Variants in LRRC8C observed in about 807,000 individuals in gnomAD.
LRRC8C encodes volume-regulated anion channel subunit LRRC8C.
In LRRC8C, 20 loss-of-function variants were observed where a neutral mutation model predicts 55.3. The observed-to-expected ratio is 0.36, with a 90% confidence interval of 0.25 to 0.53. The LOEUF (loss-of-function observed/expected upper bound fraction) is 0.53. LRRC8C is among the 20% of genes least tolerant of loss of function. The pLI is 0.92. For synonymous variants in LRRC8C, 376 were observed against 360.7 expected, an observed-to-expected ratio of 1.04 and a Z score of -0.48; for missense variants, 659 against 951.4, an observed-to-expected ratio of 0.69 and a Z score of 4.04.
At chr1:89,681,733 G>T (rs563595659) in intron 1 of LRRC8C, among the ~76,000 whole-genome samples, 1 of 152,152 alleles carries the variant, frequency 6.6e-6, no homozygotes. Flanking sequence ...CCTCCCACCA[G>T]GTCCCTCCGA....
At position 89,718,070 on chromosome 1, in the gene LRRC8C, T is replaced by C. The variant is rs185067340; in HGVS notation, c.*3088T>C. On this transcript the variant is annotated 3_prime_UTR_variant, in exon 3 of 3. Transcript: ENST00000370454. ...CCAAAGAAGACCACACCTCAGAAAT[T>C]ATTGCATTTTCTCATTATGTGTTGG... 2 of 152,302 alleles carry C rather than the reference T, an allele frequency of 1.3e-5. No individual in the cohort carries two copies. The highest frequency in any genetic ancestry group is 1.9e-4 in the East Asian group (1 of 5,188). 9.4% of individuals were successfully genotyped at this position (152,302 alleles called of 1,614,324 possible).
intron 1 of LRRC8C, among the ~76,000 whole-genome samples, chr1:89,653,184 T>C (rs554113283): frequency 3.9e-5 from 6 of 152,222 alleles, no homozygotes; most frequent in Non-Finnish European, 8.8e-5. Flanking sequence ...TCAGGGCATT[T>C]GTACTCAAAT....
chr1:89,708,570 T>TGAA (rs958057199), intron 2 of LRRC8C: 10 of 151,436 alleles, frequency 6.6e-5, no homozygotes, highest in East Asian at 1.9e-4. Flanking sequence ...TTTAACCTTT[T>TGAA]GAAGAAGAAG....
chr1:89,682,854 G>C (rs72961878), intron 1 of LRRC8C, among the ~76,000 whole-genome samples: 6,861 of 152,272 alleles, frequency 0.045, 497 homozygotes, highest in African/African-American at 0.16. Context: ...TGTCTGAAGA[G>C]AAAGCTCTTG....
At chr1:89,676,245 A>G (rs955776707) in intron 1 of LRRC8C, 3 of 152,216 alleles carry the variant, frequency 2.0e-5, no homozygotes, top group Non-Finnish European at 4.4e-5. Context: ...ATGTTCTGAC[A>G]AGGTAGTCAC....
At chr1:89,676,793 A>G (rs1427297755) in intron 1 of LRRC8C, among the ~76,000 whole-genome samples, 1 of 152,238 alleles carries the variant, frequency 6.6e-6, no homozygotes, top group Non-Finnish European at 1.5e-5. Context: ...AGGAGTTTCA[A>G]TTCATATTTT....
intron 2 of LRRC8C, among the ~76,000 whole-genome samples, chr1:89,703,691 T>C (rs929344130): frequency 1.3e-5 from 2 of 152,032 alleles, no homozygotes; most frequent in Non-Finnish European, 2.9e-5. Context: ...TAAGAAATTA[T>C]AGATAACATC....
chr1:89,680,778 C>A (rs555586953), intron 1 of LRRC8C, among the ~76,000 whole-genome samples: 21 of 151,376 alleles, frequency 1.4e-4, no homozygotes, highest in Non-Finnish European at 2.7e-4. Flanking sequence ...CCAGGCTGGT[C>A]TTAAACCTCT....
At position 89,639,351 on chromosome 1, in the gene LRRC8C, C is replaced by A. The variant is rs552430408; in HGVS notation, c.-5+6029C>A. On this transcript the variant is annotated intron_variant, in intron 1 of 2. Transcript: ENST00000370454. ...AGATTTCAGTTCACAACAAGTAGAT[C>A]TGGGAGGAGGAGAGGGCCTCTGAAG... is the stretch of plus-strand genomic sequence containing the variant. Among the ~76,000 whole-genome samples, 13 of 151,764 alleles carry A rather than the reference C, an allele frequency of 8.6e-5. 1 individual carries two copies. In the East Asian group the frequency reaches 2.5e-3, roughly 29 times the overall value.
At chr1:89,689,550 T>C (rs1657972603) in intron 2 of LRRC8C, among the ~76,000 whole-genome samples, 1 of 152,072 alleles carries the variant, frequency 6.6e-6, no homozygotes, top group African/African-American at 2.4e-5. Flanking sequence ...AGAAATGAAT[T>C]AAATGGTTTG....
chr1:89,713,716 T>C lies in LRRC8C; in HGVS notation c.1146T>C (p.Pro382=). The change falls in exon 3 of 3, where the codon CCT becomes CCC. Residue 382 remains proline (P), a synonymous_variant. Coordinates refer to ENST00000370454, the MANE Select transcript of LRRC8C (RefSeq NM_032270.5). The surrounding 1 kb of genome is among the most constrained non-coding windows in gnomAD (Gnocchi z 5.2). ...FMLHMIDQYD[P]LYSKRFAVFL... Reference sequence around the variant, plus strand: ...TTCATATGATAGATCAGTATGACCCTCTCTATTCCAAGAGATTTGCAGTGT... The same window carrying C: ...TTCATATGATAGATCAGTATGACCCCCTCTATTCCAAGAGATTTGCAGTGT... The C allele has an allele frequency of 6.2e-7, 1 of 1,614,196 alleles. No homozygotes were observed. The highest frequency in any genetic ancestry group is 8.5e-7 in the Non-Finnish European group (1 of 1,180,040).
intron 2 of LRRC8C, among the ~76,000 whole-genome samples, chr1:89,694,896 CT>C (rs1221160553): frequency 6.8e-6 from 1 of 147,792 alleles, no homozygotes; most frequent in Admixed American, 6.8e-5. Flanking sequence ...TATAATAGCA[CT>C]TCCTGTTTCT....
intron 1 of LRRC8C, among the ~76,000 whole-genome samples, chr1:89,654,835 G>A: frequency 6.8e-6 from 1 of 147,808 alleles, no homozygotes; most frequent in Non-Finnish European, 1.5e-5. Flanking sequence ...GACAGTATGG[G>A]TCTTTATTAA....
the LRRC8C span, among the ~76,000 whole-genome samples, chr1:89,623,275 A>G: frequency 6.6e-6 from 1 of 152,230 alleles, no homozygotes. Context: ...AAAATAGAAT[A>G]TAAAATATTG....
At position 89,712,784 on chromosome 1, in the gene LRRC8C, T is replaced by C; in HGVS notation, c.214T>C (p.Ser72Pro). 6.2e-7 allele frequency: 1 copy of C among 1,614,186 alleles called. No homozygotes were observed. Among genetic ancestry groups the C allele is most frequent in the Non-Finnish European group, 8.5e-7 (1 of 1,180,046 alleles). Residue 72 changes from serine (S) to proline (P), a missense_variant, in exon 3 of 3, where the codon TCT (serine) becomes CCT (proline). Ser to Pro is a moderately conservative substitution (Grantham distance 74, BLOSUM62 -1). Around this residue, in one of 5 missense-constraint regions of LRRC8C, gnomAD observed 82 missense variants for 71.4 expected, o/e 1.15. Transcript: ENST00000370454. ...GAACCACTCTTCCCTTTCGAATGTCTCTCAAGCAGTTGCCAGTACCACTCC... is the reference window on the plus strand; with the variant it reads ...GAACCACTCTTCCCTTTCGAATGTCCCTCAAGCAGTTGCCAGTACCACTCC... ...AQNHSSLSNV[S>P]QAVASTTPLP...
chr1:89,639,739 A>T (rs1656404267), intron 1 of LRRC8C, among the ~76,000 whole-genome samples: 1 of 152,256 alleles, frequency 6.6e-6, no homozygotes, highest in African/African-American at 2.4e-5. Flanking sequence ...ATAGCTGCTC[A>T]ATAAATAATC....
intron 1 of LRRC8C, among the ~76,000 whole-genome samples, chr1:89,642,431 A>C (rs1261631718): frequency 6.6e-6 from 1 of 152,218 alleles, no homozygotes; most frequent in Non-Finnish European, 1.5e-5. Flanking sequence ...AGGTTTATTC[A>C]TGGCTGGGTG....
intron 2 of LRRC8C, among the ~76,000 whole-genome samples, chr1:89,697,469 A>G (rs1658205180): frequency 6.6e-6 from 1 of 152,178 alleles, no homozygotes; most frequent in Non-Finnish European, 1.5e-5. Context: ...TGAGTACAGA[A>G]CTGAGGTTTC....
intron 2 of LRRC8C, among the ~76,000 whole-genome samples, chr1:89,687,222 A>G (rs1657907976): frequency 6.6e-6 from 1 of 152,244 alleles, no homozygotes; most frequent in African/African-American, 2.4e-5. Flanking sequence ...TAGCAATCAA[A>G]ATAACTTGTG....
Sources: gnomAD v4.1 joint callset for allele counts (sites outside exome capture counted in the v4.1 genomes callset) on GRCh38, gnomAD v4.1.1 for gene constraint, gnomAD v4.1.1 regional missense constraint, Gnocchi (gnomAD v3.1) non-coding constraint, MANE v1.5 for transcripts, NCBI Gene and HGNC (gene_info 2026-07-23, HGNC 2026-07-21) for gene names.